CLEC16A: variants seen among roughly 807,000 people sequenced by gnomAD.
CLEC16A encodes protein CLEC16A.
CLEC16A carries 51 observed loss-of-function variants against 109.5 expected under a neutral mutation model. The observed-to-expected ratio is 0.47, with a 90% CI of 0.37 to 0.59. The LOEUF is 0.59. CLEC16A is among the 20% of genes least tolerant of loss of function. The pLI, the probability that CLEC16A is intolerant of heterozygous loss-of-function variation, is 0.00. For missense variants in CLEC16A, 1,339 were observed against 1,394.0 expected (o/e 0.96, Z 0.63); for synonymous variants, 673 against 564.2 (o/e 1.19, Z -2.73).
intron 11 of CLEC16A, among the ~76,000 whole-genome samples, chr16:11,015,420 T>C (rs550733938): frequency 6.6e-6 from 1 of 152,298 alleles, no homozygotes; most frequent in South Asian, 2.1e-4. Flanking sequence ...TTCTGTGCAC[T>C]CATACTCAAT....
At chr16:11,170,538 A>G (rs1467102406) in intron 23 of CLEC16A, among the ~76,000 whole-genome samples, 3 of 152,184 alleles carry the variant, frequency 2.0e-5, no homozygotes, top group Non-Finnish European at 4.4e-5. Context: ...GGCTCCCAGG[A>G]TTTAGGCTCA....
chr16:10,955,642 T>A (rs1290313416), intron 1 of CLEC16A, among the ~76,000 whole-genome samples: 3 of 152,204 alleles, frequency 2.0e-5, no homozygotes, highest in Admixed American at 6.5e-5. Flanking sequence ...AAATTTCTTC[T>A]TCTTGTTGGG....
chr16:10,985,017 C>T (rs376916529), intron 10 of CLEC16A, among the ~76,000 whole-genome samples: 16 of 151,844 alleles, frequency 1.1e-4, no homozygotes, highest in African/African-American at 3.4e-4. Context: ...CTGGCTAACA[C>T]GGTGAAACCC....
intron 1 of CLEC16A, among the ~76,000 whole-genome samples, chr16:10,950,567 G>A (rs1444868245): frequency 3.3e-5 from 5 of 152,214 alleles, no homozygotes; most frequent in Non-Finnish European, 7.3e-5. Flanking sequence ...GATTCACCAG[G>A]GGAAGCACAG....
intron 12 of CLEC16A, among the ~76,000 whole-genome samples, chr16:11,022,886 G>A (rs944391535): frequency 7.0e-6 from 1 of 142,962 alleles, no homozygotes; most frequent in African/African-American, 2.7e-5. Flanking sequence ...GCAACAGAGC[G>A]AGATTCCATC....
chr16:11,168,223 C>T lies in CLEC16A; in HGVS notation c.2806+1671C>T, dbSNP rs145083014. 1.8e-4 allele frequency among the ~76,000 whole-genome samples: 28 copies of T among 152,328 alleles called. No homozygotes were observed. In the East Asian group the frequency reaches 5.0e-3, roughly 27 times the overall value. The stretch of plus-strand genomic sequence containing the variant: ...GCACTTTCCCAGGGCCTGGTGTCTG[C>T]AGTGTGTGCTAGTTTCTTTTTTCTT... On this transcript the variant is annotated intron_variant, in intron 23 of 23. Transcript: ENST00000409790.
chr16:11,099,774 A>G (rs1054706640), intron 19 of CLEC16A, among the ~76,000 whole-genome samples: 2 of 152,234 alleles, frequency 1.3e-5, no homozygotes, highest in African/African-American at 4.8e-5. Context: ...GGATGGTAAC[A>G]GTAACAGAGG....
chr16:11,170,445 G>T, intron 23 of CLEC16A, among the ~76,000 whole-genome samples: 2 of 152,318 alleles, frequency 1.3e-5, no homozygotes, highest in Admixed American at 1.3e-4. Context: ...CAGCTCAGGG[G>T]ACCTTAGATT....
intron 11 of CLEC16A, among the ~76,000 whole-genome samples, chr16:11,018,125 T>C (rs543776580): frequency 2.0e-5 from 3 of 148,878 alleles, no homozygotes; most frequent in African/African-American, 7.4e-5. Flanking sequence ...CTGGGCAACA[T>C]AGTGAGACCC....
intron 16 of CLEC16A, among the ~76,000 whole-genome samples, chr16:11,047,012 A>G (rs543904849): frequency 8.2e-4 from 122 of 148,580 alleles, no homozygotes; most frequent in African/African-American, 2.7e-3. Context: ...AATCCTACAT[A>G]GTAGTTTTTT....
At chr16:11,120,589 T>G in intron 19 of CLEC16A, 26 bp from the exon 20 acceptor site, 1 of 1,593,028 alleles carries the variant, frequency 6.3e-7, no homozygotes, top group Non-Finnish European at 8.6e-7. Context: ...CTGTGCCTCA[T>G]TCTCTTCTCA....
intron 18 of CLEC16A, among the ~76,000 whole-genome samples, chr16:11,060,631 A>G (rs1332305943): frequency 6.6e-6 from 1 of 152,178 alleles, no homozygotes; most frequent in Non-Finnish European, 1.5e-5. Context: ...CTTGGGGACA[A>G]GGTCCTGGCA....
At chr16:10,971,251 G>C in intron 5 of CLEC16A, 21 bp downstream of exon 5, 1 of 1,548,288 alleles carries the variant, frequency 6.5e-7, no homozygotes, top group Non-Finnish European at 8.9e-7. Context: ...TCATGGGCTT[G>C]TGTCTCGGCT....
chr16:11,067,200 T>TC (rs2048818686), intron 19 of CLEC16A, among the ~76,000 whole-genome samples: 1 of 148,358 alleles, frequency 6.7e-6, no homozygotes, highest in East Asian at 2.0e-4. Flanking sequence ...TTTTTTTTTT[T>TC]TTTTTTTTTT....
chr16:10,987,447 C>T (rs967497100), intron 10 of CLEC16A, among the ~76,000 whole-genome samples: 1 of 152,166 alleles, frequency 6.6e-6, no homozygotes, highest in Non-Finnish European at 1.5e-5. Context: ...CTGATATGGC[C>T]TCTTCTTAGG....
chr16:10,987,249 GT>G (rs2043725561), intron 10 of CLEC16A, among the ~76,000 whole-genome samples: 1 of 152,022 alleles, frequency 6.6e-6, no homozygotes, highest in South Asian at 2.1e-4. Context: ...ATCTTCCTCA[GT>G]TTCCCCCAGT....
At chr16:11,020,432 C>T (rs1567204738) in intron 12 of CLEC16A, 107 bp downstream of exon 12, 5 of 1,329,078 alleles carry the variant, frequency 3.8e-6, no homozygotes, top group East Asian at 2.7e-5. Flanking sequence ...CTCAGCCCGA[C>T]CATGCTGCCT....
At chr16:11,028,553 A>G (rs1340335885) in intron 13 of CLEC16A, among the ~76,000 whole-genome samples, 2 of 152,150 alleles carry the variant, frequency 1.3e-5, no homozygotes, top group Non-Finnish European at 2.9e-5. Flanking sequence ...GAAAAAAAAA[A>G]AAAAAGAAGC....
At chr16:11,075,014 A>T (rs2049270484) in intron 19 of CLEC16A, among the ~76,000 whole-genome samples, 2 of 152,118 alleles carry the variant, frequency 1.3e-5, no homozygotes, top group Non-Finnish European at 2.9e-5. Flanking sequence ...CTCTACAAAA[A>T]TTTTTTTAAA....
Sources: allele counts gnomAD v4.1 joint callset (sites outside exome capture counted in the v4.1 genomes callset), GRCh38; gene constraint gnomAD v4.1.1; transcripts MANE v1.5; gene names NCBI Gene and HGNC (gene_info 2026-07-23, HGNC 2026-07-21).